The following DOCK5 variants were observed in gnomAD, a reference collection of about 807,000 sequenced individuals.
DOCK5 encodes the protein dedicator of cytokinesis protein 5.
Under a neutral mutation model 251.8 loss-of-function variants are expected in DOCK5, and 142 were observed. That is an observed-to-expected ratio of 0.56 (90% CI 0.49 to 0.65). The LOEUF (loss-of-function observed/expected upper bound fraction) is 0.65, where lower values mean the gene tolerates loss of function less well. Ranked by LOEUF, DOCK5 falls within the 30% of genes least tolerant of loss-of-function variation. The pLI is 0.00. For synonymous variants in DOCK5, 842 were observed against 835.5 expected, an observed-to-expected ratio of 1.01 and a Z score of -0.13; for missense variants, 2,111 against 2,312.3, an observed-to-expected ratio of 0.91 and a Z score of 1.79.
chr8:25,224,120 TTTTG>T (rs1682580064), intron 1 of DOCK5, among the ~76,000 whole-genome samples: 1 of 152,186 alleles, frequency 6.6e-6, no homozygotes, highest in Non-Finnish European at 1.5e-5. Flanking sequence ...TGTTTTTGTT[TTTTG>T]TTTTCTTTTT....
chr8:25,366,750 G>A (rs1800782988), intron 30 of DOCK5, 120 bp from the exon 31 acceptor site: 3 of 662,368 alleles, frequency 4.5e-6, no homozygotes, highest in Non-Finnish European at 5.1e-6. Flanking sequence ...AATGTAGATT[G>A]TATTTTGTTC....
In DOCK5 at chr8:25,327,962, G is replaced by A. The variant is rs1174492743; in HGVS notation, c.1903+2415G>A. The stretch of plus-strand genomic sequence containing the variant: ...TTACCCTTCTACCGTGTGTGTGTGT[G>A]TGTCAGAACATCATGTTGTACACTG... On this transcript the variant is annotated intron_variant, in intron 18 of 51. Coordinates refer to ENST00000276440, the MANE Select transcript of DOCK5 (RefSeq NM_024940.8). Among the ~76,000 whole-genome samples, 3 of 151,902 alleles carry A rather than the reference G, an allele frequency of 2.0e-5. No individual in the cohort carries two copies. The East Asian group carries it at 5.8e-4, about 29-fold the overall frequency.
intron 1 of DOCK5, among the ~76,000 whole-genome samples, chr8:25,187,643 G>A (rs189085918): frequency 2.4e-4 from 36 of 152,006 alleles, no homozygotes; most frequent in African/African-American, 8.4e-4. Flanking sequence ...TGGTCAACAG[G>A]ATAAAGTCTG....
At chr8:25,348,824 C>G (rs1188199208) in intron 26 of DOCK5, among the ~76,000 whole-genome samples, 1 of 148,496 alleles carries the variant, frequency 6.7e-6, no homozygotes, top group African/African-American at 2.5e-5. Context: ...GGCAACAGAG[C>G]GAGACTCTGT....
Position 25,353,254 on chromosome 8 carries a change from C to T in DOCK5, c.2850+1428C>T, listed in dbSNP as rs140482158. On this transcript the variant is annotated intron_variant, in intron 27 of 51. Transcript: ENST00000276440. ...ACTCTGGAGGCTGAGGCAGGAGGAT[C>T]GCTTGAACCCAGGAGATCAAGGCTG... Among the ~76,000 whole-genome samples, 44 of 152,178 alleles carry T rather than the reference C, an allele frequency of 2.9e-4. No individual in the cohort carries two copies. The East Asian group carries it at 5.8e-3, about 20-fold the overall frequency.
chr8:25,267,001 A>G (rs1803772754), intron 2 of DOCK5, among the ~76,000 whole-genome samples: 9 of 152,208 alleles, frequency 5.9e-5, no homozygotes, highest in Admixed American at 5.9e-4. Context: ...CAGAACGATG[A>G]AAACTGTTTG....
intron 28 of DOCK5, 77 bp downstream of exon 28, chr8:25,359,138 C>T (rs907316081): frequency 7.7e-6 from 10 of 1,307,000 alleles, no homozygotes; most frequent in African/African-American, 1.5e-5. Context: ...AGCTGAGCAT[C>T]GTGAGTCCAG....
At chr8:25,280,776 C>A (rs1804169114) in intron 5 of DOCK5, among the ~76,000 whole-genome samples, 1 of 152,070 alleles carries the variant, frequency 6.6e-6, no homozygotes, top group Admixed American at 6.6e-5. Flanking sequence ...CTGCTGTCAG[C>A]CCCGTGGCCT....
chr8:25,254,782 ACAAAACAAAAC>A lies in DOCK5; in HGVS notation c.127+11026_127+11036del, dbSNP rs776727946. 2.0e-3 allele frequency among the ~76,000 whole-genome samples: 151 copies of A among 75,438 alleles called. 48 individuals are homozygous for A. Among genetic ancestry groups the A allele is most frequent in the Middle Eastern group, 7.8e-3 (1 of 128 alleles). The allele number at this position is 75,438 out of a possible 152,430, so 49.5% of individuals were successfully genotyped here. Reference sequence around the variant, plus strand: ...AAGCAAGACTTTGTCTCAAAAAAAAACAAAACAAAACAAAAAAAAAAAACATTTGATAAAGG... The same window carrying A: ...AAGCAAGACTTTGTCTCAAAAAAAAAAAAAAAAAAAAACATTTGATAAAGG... On this transcript the variant is annotated intron_variant, in intron 2 of 51. Transcript: ENST00000276440.
intron 1 of DOCK5, among the ~76,000 whole-genome samples, chr8:25,202,255 C>T (rs748691719): frequency 7.2e-5 from 11 of 152,084 alleles, no homozygotes; most frequent in African/African-American, 2.4e-4. Context: ...TGTCCTCAAG[C>T]GATCCACCTG....
intron 40 of DOCK5, among the ~76,000 whole-genome samples, chr8:25,388,097 T>C (rs956355554): frequency 6.6e-6 from 1 of 152,208 alleles, no homozygotes; most frequent in Non-Finnish European, 1.5e-5. Flanking sequence ...CTGGAAAGTG[T>C]AATTGCCCTC....
Position 25,412,479 on chromosome 8 carries a change from T to C in DOCK5, c.*1181T>C, listed in dbSNP as rs1801648835. 1 of 152,202 alleles carries C rather than the reference T, an allele frequency of 6.6e-6. No individual in the cohort carries two copies. The highest frequency in any genetic ancestry group is 2.1e-4 in the South Asian group (1 of 4,824). The allele number at this position is 152,202 out of a possible 1,614,324, so 9.4% of individuals were successfully genotyped here. On this transcript the variant is annotated 3_prime_UTR_variant, in exon 52 of 52. Coordinates refer to ENST00000276440, the MANE Select transcript of DOCK5 (RefSeq NM_024940.8). Reference sequence around the variant, plus strand: ...TGAGGCTACACACAGAAAATTGTGCTACAGATTATTACTAATAACCCAGCT... The same window carrying C: ...TGAGGCTACACACAGAAAATTGTGCCACAGATTATTACTAATAACCCAGCT...
chr8:25,414,611 ATAGTT>A lies in DOCK5; in HGVS notation c.*3314_*3318del, dbSNP rs1801680495. The A allele has an allele frequency of 6.6e-6, 1 of 152,192 alleles. No homozygotes were observed. Among genetic ancestry groups the A allele is most frequent in the Non-Finnish European group, 1.5e-5 (1 of 68,046 alleles). The allele number at this position is 152,192 out of a possible 1,614,324, so 9.4% of individuals were successfully genotyped here. A position where few individuals can be genotyped will look rare whatever the true frequency, so the allele number is the denominator to read the frequency against. On this transcript the variant is annotated 3_prime_UTR_variant, in exon 52 of 52. Transcript: ENST00000276440. ...TTTAAAATTTAGATGGAACTCATGT[ATAGTT>A]AAGTGCACAAATCTTAGCCGTGCAG...
At chr8:25,244,855 C>A (rs1310569225) in intron 2 of DOCK5, among the ~76,000 whole-genome samples, 1 of 152,154 alleles carries the variant, frequency 6.6e-6, no homozygotes, top group African/African-American at 2.4e-5. Flanking sequence ...CCACACAACT[C>A]AATGTAATCA....
intron 37 of DOCK5, chr8:25,374,951 G>T: frequency 8.1e-7 from 1 of 1,228,042 alleles, no homozygotes; most frequent in Non-Finnish European, 1.0e-6. Context: ...AAAAAAATTT[G>T]TAAAACTGCA....
At chr8:25,188,636 C>T (rs1264371752) in intron 1 of DOCK5, among the ~76,000 whole-genome samples, 2 of 152,198 alleles carry the variant, frequency 1.3e-5, no homozygotes, top group Admixed American at 6.5e-5. Context: ...AGTTCTTAAA[C>T]AGCAGTGTTG....
Position 25,411,431 on chromosome 8 carries a change from C to G in DOCK5, c.*133C>G. On this transcript the variant is annotated 3_prime_UTR_variant, in exon 52 of 52. Coordinates refer to ENST00000276440, the MANE Select transcript of DOCK5 (RefSeq NM_024940.8). Reference sequence around the variant, plus strand: ...TGATCTGGGATGATGTTTACCAGCCCAAAACCAGTCATGTTCTTCCAAAAG... The same window carrying G: ...TGATCTGGGATGATGTTTACCAGCCGAAAACCAGTCATGTTCTTCCAAAAG... 7 of 1,210,940 alleles carry G rather than the reference C, an allele frequency of 5.8e-6. No individual in the cohort carries two copies. Among genetic ancestry groups the G allele is most frequent in the Non-Finnish European group, 7.4e-6 (7 of 944,028 alleles). The allele number at this position is 1,210,940 out of a possible 1,614,324, so 75.0% of individuals were successfully genotyped here. A position where few individuals can be genotyped will look rare whatever the true frequency, so the allele number is the denominator to read the frequency against.
At chr8:25,219,692 C>T (rs1258449817) in intron 1 of DOCK5, among the ~76,000 whole-genome samples, 2 of 149,866 alleles carry the variant, frequency 1.3e-5, no homozygotes, top group East Asian at 2.0e-4. Flanking sequence ...AGTCTGTTGT[C>T]CTCTGGGGTC....
chr8:25,287,037 A>G (rs1445800554), intron 5 of DOCK5, among the ~76,000 whole-genome samples: 1 of 152,138 alleles, frequency 6.6e-6, no homozygotes, highest in Non-Finnish European at 1.5e-5. Flanking sequence ...TCTAATACCC[A>G]TTGCAGCTGG....
Sources: gnomAD v4.1 joint callset for allele counts (sites outside exome capture counted in the v4.1 genomes callset) on GRCh38, gnomAD v4.1.1 for gene constraint, MANE v1.5 for transcripts, NCBI Gene and HGNC (gene_info 2026-07-23, HGNC 2026-07-21) for gene names.